Variants in EXOC4 observed in about 807,000 individuals in gnomAD.
The protein encoded by EXOC4 is SEC8-like 1.
Under a neutral mutation model 107.2 loss-of-function variants are expected in EXOC4, and 71 were observed. The ratio of observed to expected loss-of-function variants is 0.66; its 90% CI spans 0.55 to 0.81. The LOEUF is 0.81. Among genes scored for constraint, EXOC4 ranks in the 30% least tolerant of loss-of-function variants. The pLI, the probability that EXOC4 is intolerant of heterozygous loss-of-function variation, is 0.00. For missense variants in EXOC4, 1,108 were observed against 1,189.6 expected, an observed-to-expected ratio of 0.93 and a Z score of 1.01; for synonymous variants, 456 against 441.2, an observed-to-expected ratio of 1.03 and a Z score of -0.42.
chr7:133,567,757 G>A (rs1049192397), intron 9 of EXOC4, among the ~76,000 whole-genome samples: 4 of 152,112 alleles, frequency 2.6e-5, no homozygotes, highest in Non-Finnish European at 4.4e-5. Flanking sequence ...AAAGGCAAAA[G>A]GCAGAAATGA....
At chr7:133,875,926 C>T (rs959447728) in intron 11 of EXOC4, among the ~76,000 whole-genome samples, 49 of 152,278 alleles carry the variant, frequency 3.2e-4, no homozygotes, top group African/African-American at 1.1e-3. Context: ...GGTTAAGATA[C>T]GGGCTCTGGA....
intron 11 of EXOC4, among the ~76,000 whole-genome samples, chr7:133,866,677 T>C (rs1046831969): frequency 6.6e-6 from 1 of 152,188 alleles, no homozygotes; most frequent in Non-Finnish European, 1.5e-5. Context: ...TTTTGATTCA[T>C]CGCTGGATCC....
At chr7:133,455,614 A>G (rs937899334) in intron 7 of EXOC4, among the ~76,000 whole-genome samples, 3 of 152,228 alleles carry the variant, frequency 2.0e-5, no homozygotes, top group African/African-American at 4.8e-5. Flanking sequence ...AAGCTGTTCT[A>G]GAGTTGATAA....
intron 10 of EXOC4, among the ~76,000 whole-genome samples, chr7:133,773,042 T>C (rs989975253): frequency 1.3e-5 from 2 of 152,002 alleles, no homozygotes; most frequent in Admixed American, 1.3e-4. Flanking sequence ...TACGTTGCCT[T>C]CTGATTGCTT....
intron 11 of EXOC4, among the ~76,000 whole-genome samples, chr7:133,888,803 C>T (rs776913482): frequency 1.1e-4 from 16 of 152,180 alleles, no homozygotes; most frequent in Non-Finnish European, 2.1e-4. Flanking sequence ...GGAGCAAAGC[C>T]TGGAGCTCCT....
At chr7:133,931,474 C>T (rs966794128) in intron 13 of EXOC4, among the ~76,000 whole-genome samples, 1 of 151,796 alleles carries the variant, frequency 6.6e-6, no homozygotes, top group South Asian at 2.1e-4. Context: ...GAAAATTACT[C>T]AGAAATAAAA....
chr7:133,504,425 T>C (rs1799631511), intron 9 of EXOC4, among the ~76,000 whole-genome samples: 1 of 152,228 alleles, frequency 6.6e-6, no homozygotes, highest in South Asian at 2.1e-4. Flanking sequence ...TATAGCTCAA[T>C]TGATCGTTTA....
chr7:133,271,101 G>A (rs1364070412), intron 1 of EXOC4, among the ~76,000 whole-genome samples: 1 of 151,916 alleles, frequency 6.6e-6, no homozygotes, highest in Non-Finnish European at 1.5e-5. Context: ...TATATTTTTA[G>A]TAGAGACAGG....
intron 10 of EXOC4, among the ~76,000 whole-genome samples, chr7:133,678,811 G>C (rs992142491): frequency 7.9e-5 from 12 of 151,690 alleles, no homozygotes; most frequent in African/African-American, 2.9e-4. Context: ...GTAGAGCTGG[G>C]GTCTTGCCAT....
At chr7:133,296,325 A>G (rs186079367) in intron 3 of EXOC4, among the ~76,000 whole-genome samples, 2 of 152,280 alleles carry the variant, frequency 1.3e-5, no homozygotes, top group South Asian at 2.1e-4. Context: ...GGAGAAAGCT[A>G]CAATAAGACA....
chr7:133,337,636 CCT>C (rs1491242606), intron 5 of EXOC4, among the ~76,000 whole-genome samples: 6 of 99,708 alleles, frequency 6.0e-5, no homozygotes, highest in East Asian at 3.4e-4. Context: ...TCCTTCCTTC[CCT>C]TTTTTTTTTT....
At chr7:133,511,671 G>A (rs1250843433) in intron 9 of EXOC4, among the ~76,000 whole-genome samples, 1 of 152,148 alleles carries the variant, frequency 6.6e-6, no homozygotes, top group Admixed American at 6.5e-5. Context: ...TCATTGTAGA[G>A]CAAATGCAGA....
At chr7:133,820,137 G>A (rs897522978) in intron 11 of EXOC4, among the ~76,000 whole-genome samples, 1 of 132,632 alleles carries the variant, frequency 7.5e-6, no homozygotes, top group Admixed American at 7.6e-5. Flanking sequence ...TTTTTCTAGA[G>A]TTAACACACC....
chr7:133,838,501 T>C (rs1797963528), intron 11 of EXOC4, among the ~76,000 whole-genome samples: 1 of 152,216 alleles, frequency 6.6e-6, no homozygotes, highest in African/African-American at 2.4e-5. Context: ...AGTCTAGTAA[T>C]AATCTCACCC....
chr7:133,367,756 C>T (rs1477515002), intron 6 of EXOC4, among the ~76,000 whole-genome samples: 2 of 152,110 alleles, frequency 1.3e-5, no homozygotes, highest in Non-Finnish European at 2.9e-5. Context: ...TATAGGGCTG[C>T]CCTAAGGATG....
intron 17 of EXOC4, among the ~76,000 whole-genome samples, chr7:134,047,327 T>C (rs1416706564): frequency 6.6e-6 from 1 of 152,170 alleles, no homozygotes; most frequent in Non-Finnish European, 1.5e-5. Flanking sequence ...AAGGCCTTTT[T>C]TCTTTATATG....
chr7:133,644,648 C>A (rs1802942943), intron 10 of EXOC4, among the ~76,000 whole-genome samples: 1 of 152,070 alleles, frequency 6.6e-6, no homozygotes, highest in Non-Finnish European at 1.5e-5. Flanking sequence ...GTATTAGAGA[C>A]AAAACTTAAA....
At chr7:133,389,150 A>T (rs548840360) in intron 7 of EXOC4, among the ~76,000 whole-genome samples, 1 of 152,288 alleles carries the variant, frequency 6.6e-6, no homozygotes, top group Admixed American at 6.5e-5. Flanking sequence ...TGCGAATTAG[A>T]AGGCAGGTTC....
intron 13 of EXOC4, among the ~76,000 whole-genome samples, chr7:133,923,540 A>G (rs944457653): frequency 4.6e-5 from 7 of 152,114 alleles, no homozygotes; most frequent in Admixed American, 3.9e-4. Context: ...ACACGTATTT[A>G]TTGGCCATTT....
Sources: allele counts gnomAD v4.1 joint callset (sites outside exome capture counted in the v4.1 genomes callset), GRCh38; gene constraint gnomAD v4.1.1; transcripts MANE v1.5; gene names NCBI Gene and HGNC (gene_info 2026-07-23, HGNC 2026-07-21).